Variants in NCKAP5 observed in about 807,000 individuals in gnomAD.
NCKAP5 encodes nck-associated protein 5.
NCKAP5 carries 92 observed loss-of-function variants against 167.0 expected under a neutral mutation model. The observed-to-expected ratio is 0.55, with a 90% CI of 0.47 to 0.66. The LOEUF is 0.66. NCKAP5 is among the 30% of genes least tolerant of loss of function. The pLI is 0.00. For synonymous variants in NCKAP5, 891 were observed against 877.4 expected (o/e 1.02, Z -0.27); for missense variants, 2,378 against 2,315.0 (o/e 1.03, Z -0.56).
At chr2:133,583,013 G>A in the NCKAP5 span, among the ~76,000 whole-genome samples, 1 of 152,068 alleles carries the variant, frequency 6.6e-6, no homozygotes, top group East Asian at 1.9e-4. Context: ...ATTCTAACAG[G>A]AGTTGTAAAC....
chr2:133,149,716 C>T (rs974969269), intron 5 of NCKAP5, among the ~76,000 whole-genome samples: 5 of 152,178 alleles, frequency 3.3e-5, no homozygotes, highest in Non-Finnish European at 7.4e-5. Flanking sequence ...TTACTTCTTG[C>T]CAGACACTCA....
intron 4 of NCKAP5, among the ~76,000 whole-genome samples, chr2:133,225,983 C>G (rs1453260106): frequency 6.6e-6 from 1 of 151,850 alleles, no homozygotes; most frequent in African/African-American, 2.4e-5. Context: ...AAGGTTTCAC[C>G]ATGTTGGCCA....
At chr2:133,628,786 G>T in the NCKAP5 span, among the ~76,000 whole-genome samples, 2 of 152,134 alleles carry the variant, frequency 1.3e-5, no homozygotes, top group East Asian at 3.9e-4. Context: ...TACAAAAACA[G>T]ACGCATAGAC....
At chr2:132,948,132 G>T (rs1034428854) in intron 8 of NCKAP5, among the ~76,000 whole-genome samples, 1 of 151,942 alleles carries the variant, frequency 6.6e-6, no homozygotes, top group African/African-American at 2.4e-5. Context: ...AATGATGACA[G>T]TTTTTTTTAT....
intron 7 of NCKAP5, among the ~76,000 whole-genome samples, chr2:132,991,460 T>C (rs1258193747): frequency 6.6e-6 from 1 of 152,200 alleles, no homozygotes; most frequent in African/African-American, 2.4e-5. Context: ...AAAACACCCA[T>C]TGTCCTTTGA....
At chr2:133,637,476 CAA>C in the NCKAP5 span, among the ~76,000 whole-genome samples, 50 of 31,662 alleles carry the variant, frequency 1.6e-3, no homozygotes, top group Admixed American at 3.1e-3. Flanking sequence ...TGGTATTTTC[CAA>C]AAAAAAAAAA....
chr2:132,736,218 T>C (rs1391734504), intron 16 of NCKAP5, among the ~76,000 whole-genome samples: 1 of 152,212 alleles, frequency 6.6e-6, no homozygotes, highest in South Asian at 2.1e-4. Flanking sequence ...GTCTTCAGAA[T>C]ACATAAACCT....
chr2:133,072,513 C>T (rs1021151221), intron 6 of NCKAP5, among the ~76,000 whole-genome samples: 1 of 152,252 alleles, frequency 6.6e-6, no homozygotes, highest in Non-Finnish European at 1.5e-5. Flanking sequence ...ACTCCCCGAT[C>T]GTCTATCTTA....
At chr2:133,137,168 T>A (rs2082817222) in intron 5 of NCKAP5, among the ~76,000 whole-genome samples, 1 of 152,206 alleles carries the variant, frequency 6.6e-6, no homozygotes, top group Non-Finnish European at 1.5e-5. Context: ...TAAAGCTCTC[T>A]GAATTCAATA....
At chr2:133,071,390 A>G (rs1046213950) in intron 6 of NCKAP5, among the ~76,000 whole-genome samples, 6 of 152,080 alleles carry the variant, frequency 3.9e-5, no homozygotes, top group Non-Finnish European at 7.4e-5. Flanking sequence ...GCTTGCAGTG[A>G]GCCGAGATCC....
At chr2:132,960,123 G>C (rs1558991463) in intron 8 of NCKAP5, among the ~76,000 whole-genome samples, 1 of 152,128 alleles carries the variant, frequency 6.6e-6, no homozygotes, top group Non-Finnish European at 1.5e-5. Flanking sequence ...GAGAAAATCA[G>C]GCTAAAAAGA....
Position 132,732,054 on chromosome 2 carries a change from G to A in NCKAP5, c.5129-3C>T. 6.2e-7 allele frequency: 1 copy of A among 1,604,796 alleles called. No individual in the cohort carries two copies. The highest frequency in any genetic ancestry group is 8.5e-7 in the Non-Finnish European group (1 of 1,173,952). Reference sequence around the variant, plus strand: ...TGTTCTCATCTGGCAGTTGGATTCTGAGATAGAGAGACAGAGAGAGAAGGG... The same window carrying A: ...TGTTCTCATCTGGCAGTTGGATTCTAAGATAGAGAGACAGAGAGAGAAGGG... On this transcript the variant is annotated splice_polypyrimidine_tract_variant and splice_region_variant and intron_variant, in intron 16 of 19. Transcript: ENST00000409261.
At chr2:133,329,757 TA>T (rs1320038127) in intron 3 of NCKAP5, among the ~76,000 whole-genome samples, 1 of 152,118 alleles carries the variant, frequency 6.6e-6, no homozygotes, top group Non-Finnish European at 1.5e-5. Context: ...CTCCAGAATT[TA>T]AAAAATGCTA....
chr2:132,981,053 G>C (rs1573625422), intron 7 of NCKAP5, among the ~76,000 whole-genome samples: 1 of 152,190 alleles, frequency 6.6e-6, no homozygotes, highest in East Asian at 1.9e-4. Flanking sequence ...ATTTAATGTG[G>C]AACAAAATTT....
chr2:132,792,994 C>CTGTTTTGTTT (rs570903207), intron 12 of NCKAP5, among the ~76,000 whole-genome samples: 2 of 151,888 alleles, frequency 1.3e-5, no homozygotes, highest in Admixed American at 6.6e-5. Context: ...TTGAGATGCT[C>CTGTTTTGTTT]TGTTTTGTTT....
intron 8 of NCKAP5, among the ~76,000 whole-genome samples, chr2:132,947,757 G>C (rs570571287): frequency 6.6e-6 from 1 of 152,146 alleles, no homozygotes; most frequent in Non-Finnish European, 1.5e-5. Context: ...TTAATTCCCA[G>C]ATATGGGAAA....
At chr2:133,446,004 A>G (rs1357789618) in intron 3 of NCKAP5, among the ~76,000 whole-genome samples, 1 of 152,130 alleles carries the variant, frequency 6.6e-6, no homozygotes, top group African/African-American at 2.4e-5. Context: ...TGAAGATAGA[A>G]CGATTAAGCT....
At chr2:133,593,562 C>A in the NCKAP5 span, among the ~76,000 whole-genome samples, 1 of 151,874 alleles carries the variant, frequency 6.6e-6, no homozygotes, top group Admixed American at 6.6e-5. Flanking sequence ...TCTCTTTTTG[C>A]CGAAGGCTGG....
At chr2:133,507,478 C>A (rs950033840) in intron 3 of NCKAP5, among the ~76,000 whole-genome samples, 3 of 152,126 alleles carry the variant, frequency 2.0e-5, no homozygotes, top group South Asian at 4.1e-4. Context: ...CGGAAATGGA[C>A]AATTATGATC....
Sources: gnomAD v4.1 joint callset for allele counts (sites outside exome capture counted in the v4.1 genomes callset) on GRCh38, gnomAD v4.1.1 for gene constraint, MANE v1.5 for transcripts, NCBI Gene and HGNC (gene_info 2026-07-23, HGNC 2026-07-21) for gene names.